SAMD5: variants seen among roughly 807,000 people sequenced by gnomAD.
SAMD5 encodes sterile alpha motif domain-containing protein 5.
A neutral mutation model predicts 11.3 loss-of-function variants in SAMD5; 13 were observed. That is an observed-to-expected ratio of 1.15 (90% CI 0.75 to 1.83). SAMD5 has a LOEUF of 1.83. Ranked by LOEUF, SAMD5 falls within the 40% of genes most tolerant of loss-of-function variation. The pLI is 0.00. For missense variants in SAMD5, 255 were observed against 239.1 expected, an observed-to-expected ratio of 1.07 and a Z score of -0.44; for synonymous variants, 129 against 111.3, an observed-to-expected ratio of 1.16 and a Z score of -1.00.
intron 1 of SAMD5, among the ~76,000 whole-genome samples, chr6:147,709,727 A>T (rs1230734609): frequency 6.6e-6 from 1 of 152,202 alleles, no homozygotes; most frequent in African/African-American, 2.4e-5. Flanking sequence ...AGCTTATTTG[A>T]TTAGCTCAAA....
chr6:147,846,704 C>T, the SAMD5 span, among the ~76,000 whole-genome samples: 6 of 152,136 alleles, frequency 3.9e-5, no homozygotes, highest in Non-Finnish European at 7.3e-5. Flanking sequence ...CCTGTTATCC[C>T]AGCTATTCGG....
At chr6:147,620,266 T>C (rs1789939730) in intron 1 of SAMD5, among the ~76,000 whole-genome samples, 1 of 152,188 alleles carries the variant, frequency 6.6e-6, no homozygotes, top group South Asian at 2.1e-4. Context: ...TTTCTTCTTG[T>C]GCTTCTCCCC....
At chr6:147,853,175 A>G in the SAMD5 span, among the ~76,000 whole-genome samples, 50 of 152,308 alleles carry the variant, frequency 3.3e-4, no homozygotes, top group East Asian at 6.4e-3. Context: ...AAGGAAATAT[A>G]TAGATGCCCT....
At chr6:147,672,399 T>C (rs1288208682) in intron 1 of SAMD5, among the ~76,000 whole-genome samples, 1 of 152,162 alleles carries the variant, frequency 6.6e-6, no homozygotes, top group Non-Finnish European at 1.5e-5. Flanking sequence ...ATTTATAAAA[T>C]ATAAAGAGAA....
At position 147,734,090 on chromosome 6, in the gene SAMD5, T is replaced by C. The variant is rs187005139; in HGVS notation, c.163-3227T>C. On this transcript the variant is annotated intron_variant, in intron 1 of 1. Coordinates refer to the SAMD5 transcript ENST00000566741. Reference sequence around the variant, plus strand: ...TTCCTTATGACATAAAATGTTTATGTTGGGATAATTGGAGAACTCTATTAA... The same window carrying C: ...TTCCTTATGACATAAAATGTTTATGCTGGGATAATTGGAGAACTCTATTAA... Among the ~76,000 whole-genome samples, 326 of 152,350 alleles carry C rather than the reference T, an allele frequency of 2.1e-3. 1 individual carries two copies. The highest frequency in any genetic ancestry group is 7.6e-3 in the African/African-American group (314 of 41,588).
chr6:147,933,988 C>T, the SAMD5 span, among the ~76,000 whole-genome samples: 1 of 152,170 alleles, frequency 6.6e-6, no homozygotes, highest in Non-Finnish European at 1.5e-5. Flanking sequence ...CATGGGTGTG[C>T]CCCTGGGCAC....
chr6:147,873,375 CAA>C, the SAMD5 span, among the ~76,000 whole-genome samples: 26 of 105,542 alleles, frequency 2.5e-4, no homozygotes, highest in Admixed American at 4.1e-4. Flanking sequence ...GACTCCATCT[CAA>C]AAAAAAAAAA....
At chr6:147,641,673 G>C (rs1312014897) in intron 1 of SAMD5, among the ~76,000 whole-genome samples, 1 of 150,656 alleles carries the variant, frequency 6.6e-6, no homozygotes, top group Non-Finnish European at 1.5e-5. Context: ...TGATGATTCA[G>C]ATCTTAGCTT....
At chr6:147,520,846 A>G (rs1788243117) in intron 1 of SAMD5, among the ~76,000 whole-genome samples, 1 of 152,148 alleles carries the variant, frequency 6.6e-6, no homozygotes, top group African/African-American at 2.4e-5. Flanking sequence ...CCATTACCTC[A>G]CATACTTACG....
the SAMD5 span, among the ~76,000 whole-genome samples, chr6:147,861,568 T>A: frequency 6.6e-6 from 1 of 152,140 alleles, no homozygotes; most frequent in Non-Finnish European, 1.5e-5. Flanking sequence ...GGTTTCTAGG[T>A]AGAAAAGACA....
the SAMD5 span, among the ~76,000 whole-genome samples, chr6:147,942,515 G>A: frequency 6.6e-6 from 1 of 152,212 alleles, no homozygotes; most frequent in Non-Finnish European, 1.5e-5. Flanking sequence ...GAATAGAAGG[G>A]CATTCTTCGC....
In SAMD5 at chr6:147,565,512, G is replaced by A. The variant is rs1420395329; in HGVS notation, c.*1056G>A. 12 of 837,266 alleles carry A rather than the reference G, an allele frequency of 1.4e-5. No homozygotes were observed. The South Asian group carries it at 5.5e-4, about 38-fold the overall frequency. 51.9% of individuals were successfully genotyped at this position (837,266 alleles called of 1,614,324 possible). A position where few individuals can be genotyped will look rare whatever the true frequency, so the allele number is the denominator to read the frequency against. On this transcript the variant is annotated 3_prime_UTR_variant, in exon 2 of 2. Transcript: ENST00000367474. ...CTCGCTCTGTCACCCAGGCTGGAGT[G>A]TAGTGGCACAATCTTGGCTCACAGT...
chr6:147,835,252 A>AC, the SAMD5 span, among the ~76,000 whole-genome samples: 1 of 151,274 alleles, frequency 6.6e-6, no homozygotes, highest in African/African-American at 2.4e-5. Context: ...AAAAACAAAA[A>AC]AAACAGTATA....
At chr6:147,776,984 A>C in the SAMD5 span, among the ~76,000 whole-genome samples, 22 of 152,302 alleles carry the variant, frequency 1.4e-4, no homozygotes, top group Non-Finnish European at 2.8e-4. Flanking sequence ...CAGCACATTC[A>C]AGACTGCCTT....
At chr6:147,839,475 G>A in the SAMD5 span, among the ~76,000 whole-genome samples, 4 of 152,180 alleles carry the variant, frequency 2.6e-5, no homozygotes, top group East Asian at 1.9e-4. Flanking sequence ...TGGGCCGGGC[G>A]CAATGGCTCA....
the SAMD5 span, among the ~76,000 whole-genome samples, chr6:147,767,572 G>A: frequency 2.6e-5 from 4 of 152,230 alleles, no homozygotes; most frequent in Non-Finnish European, 5.9e-5. Context: ...GGGATCTTAT[G>A]ATGGGATTGA....
At chr6:147,718,067 G>A (rs1401016179) in intron 1 of SAMD5, among the ~76,000 whole-genome samples, 1 of 152,012 alleles carries the variant, frequency 6.6e-6, no homozygotes, top group Non-Finnish European at 1.5e-5. Context: ...TCCCCTTTTT[G>A]AAAAGTATTG....
At chr6:147,525,210 T>C (rs2128440520) in intron 1 of SAMD5, among the ~76,000 whole-genome samples, 1 of 150,384 alleles carries the variant, frequency 6.6e-6, no homozygotes, top group South Asian at 2.1e-4. Flanking sequence ...TGGCAATAAC[T>C]GCTCAATCAG....
intron 1 of SAMD5, among the ~76,000 whole-genome samples, chr6:147,674,004 G>A (rs149082463): frequency 2.0e-5 from 3 of 152,248 alleles, no homozygotes; most frequent in East Asian, 1.9e-4. Context: ...AGTATGACTT[G>A]GTATTTATTC....
Sources: allele counts gnomAD v4.1 joint callset (sites outside exome capture counted in the v4.1 genomes callset), GRCh38; gene constraint gnomAD v4.1.1; transcripts MANE v1.5; gene names NCBI Gene and HGNC (gene_info 2026-07-23, HGNC 2026-07-21).